The following MACROD2 variants were observed in gnomAD, a reference collection of about 807,000 sequenced individuals.
The protein encoded by MACROD2 is ADP-ribose glycohydrolase MACROD2.
MACROD2 carries 36 observed loss-of-function variants against 70.4 expected under a neutral mutation model. The observed-to-expected ratio is 0.51, with a 90% confidence interval of 0.39 to 0.68. MACROD2 has a LOEUF of 0.68. MACROD2 is among the 30% of genes least tolerant of loss of function. The pLI is 0.00. For missense variants in MACROD2, 496 were observed against 538.4 expected, an observed-to-expected ratio of 0.92 and a Z score of 0.78; for synonymous variants, 172 against 178.8, an observed-to-expected ratio of 0.96 and a Z score of 0.30.
At chr20:14,076,865 G>A (rs1393453076) in intron 2 of MACROD2, among the ~76,000 whole-genome samples, 1 of 152,052 alleles carries the variant, frequency 6.6e-6, no homozygotes, top group Non-Finnish European at 1.5e-5. Flanking sequence ...AGATATTTAA[G>A]ATTATAAAAA....
chr20:14,785,718 A>G (rs574203055), intron 5 of MACROD2, among the ~76,000 whole-genome samples: 21 of 152,092 alleles, frequency 1.4e-4, no homozygotes, highest in African/African-American at 3.6e-4. Context: ...TTTATTTTCA[A>G]TCTCACCTGA....
intron 3 of MACROD2, among the ~76,000 whole-genome samples, chr20:14,278,010 T>C (rs1218993098): frequency 6.6e-6 from 1 of 152,214 alleles, no homozygotes; most frequent in East Asian, 1.9e-4. Context: ...TTAGTTTGCC[T>C]GAGGGAACAA....
chr20:14,414,663 A>C (rs960779222), intron 3 of MACROD2, among the ~76,000 whole-genome samples: 2 of 152,106 alleles, frequency 1.3e-5, no homozygotes, highest in African/African-American at 2.4e-5. Flanking sequence ...AACCCTTACC[A>C]TGTCCGTCAA....
chr20:14,583,962 T>A (rs1469669846), intron 4 of MACROD2, among the ~76,000 whole-genome samples: 2 of 152,130 alleles, frequency 1.3e-5, no homozygotes, highest in Non-Finnish European at 2.9e-5. Flanking sequence ...TGCCCTTGTG[T>A]TACCCGGCAT....
chr20:14,901,587 T>C lies in MACROD2; in HGVS notation c.418+216628T>C, dbSNP rs140790928. Among the ~76,000 whole-genome samples, 350 of 152,322 alleles carry C rather than the reference T, an allele frequency of 2.3e-3. 2 individuals carry two copies. Among genetic ancestry groups the C allele is most frequent in the African/African-American group, 8.1e-3 (336 of 41,580 alleles). On this transcript the variant is annotated intron_variant, in intron 5 of 17. Coordinates refer to ENST00000684519, the MANE Select transcript of MACROD2 (RefSeq NM_001351661.2). ...TTTTTTCCAAGTATTGGAAATGATC[T>C]AAATGGCTGTGTTTGTGTCACAATA...
chr20:14,341,698 T>C (rs2083014751), intron 3 of MACROD2, among the ~76,000 whole-genome samples: 1 of 152,206 alleles, frequency 6.6e-6, no homozygotes, highest in Non-Finnish European at 1.5e-5. Context: ...TCTTGGACTG[T>C]TATTAGTTAA....
intron 6 of MACROD2, among the ~76,000 whole-genome samples, chr20:15,377,575 A>T (rs2045580308): frequency 6.6e-6 from 1 of 152,210 alleles, no homozygotes; most frequent in Non-Finnish European, 1.5e-5. Flanking sequence ...TTCCACTTAA[A>T]AAATTCACAA....
intron 5 of MACROD2, among the ~76,000 whole-genome samples, chr20:14,824,185 T>C (rs1268006135): frequency 6.6e-6 from 1 of 152,134 alleles, no homozygotes; most frequent in African/African-American, 2.4e-5. Context: ...ATTGTTTTTG[T>C]CAATTCAGAG....
intron 8 of MACROD2, among the ~76,000 whole-genome samples, chr20:15,545,146 G>T (rs1181596702): frequency 6.6e-6 from 1 of 152,226 alleles, no homozygotes; most frequent in Non-Finnish European, 1.5e-5. Flanking sequence ...TTTCTCCGTG[G>T]AGGAAATGAA....
At chr20:14,454,233 A>T (rs2084275088) in intron 3 of MACROD2, among the ~76,000 whole-genome samples, 1 of 151,900 alleles carries the variant, frequency 6.6e-6, no homozygotes, top group Admixed American at 6.6e-5. Context: ...TTCTATTTAT[A>T]TTCTCTGTTC....
intron 3 of MACROD2, among the ~76,000 whole-genome samples, chr20:14,165,210 C>T (rs1027022218): frequency 6.6e-6 from 1 of 152,160 alleles, no homozygotes; most frequent in Non-Finnish European, 1.5e-5. Flanking sequence ...TACTATTGCA[C>T]AGTCTCCAGG....
intron 5 of MACROD2, among the ~76,000 whole-genome samples, chr20:15,175,685 A>G (rs1348413712): frequency 6.6e-6 from 1 of 152,238 alleles, no homozygotes; most frequent in East Asian, 1.9e-4. Flanking sequence ...GCAAAGAGAC[A>G]TTACAATAAT....
At chr20:15,190,413 CTGAA>C in intron 5 of MACROD2, among the ~76,000 whole-genome samples, 1 of 152,286 alleles carries the variant, frequency 6.6e-6, no homozygotes, top group South Asian at 2.1e-4. Context: ...GGCCATTCAA[CTGAA>C]TGCTCTTCCT....
chr20:14,055,786 A>G (rs1263016120), intron 2 of MACROD2, among the ~76,000 whole-genome samples: 2 of 150,558 alleles, frequency 1.3e-5, no homozygotes, highest in African/African-American at 4.9e-5. Flanking sequence ...CTTATATAAC[A>G]TCTCAATTTG....
At chr20:15,220,779 G>T (rs1490960512) in intron 5 of MACROD2, among the ~76,000 whole-genome samples, 3 of 151,984 alleles carry the variant, frequency 2.0e-5, no homozygotes, top group Non-Finnish European at 2.9e-5. Context: ...AAATGGGGGG[G>T]GCTCTCCAGA....
intron 8 of MACROD2, among the ~76,000 whole-genome samples, chr20:15,518,113 G>A (rs1171548837): frequency 6.6e-6 from 1 of 152,234 alleles, no homozygotes; most frequent in African/African-American, 2.4e-5. Flanking sequence ...TGCTTTATGA[G>A]GGAGAAAAAA....
intron 8 of MACROD2, among the ~76,000 whole-genome samples, chr20:15,508,474 A>ATG (rs1373151157): frequency 1.3e-5 from 2 of 152,142 alleles, no homozygotes; most frequent in East Asian, 3.9e-4. Flanking sequence ...CTGACTCCTG[A>ATG]TGTGTCCCAT....
intron 6 of MACROD2, among the ~76,000 whole-genome samples, chr20:15,358,301 G>A (rs908201207): frequency 6.6e-6 from 1 of 152,152 alleles, no homozygotes; most frequent in African/African-American, 2.4e-5. Context: ...TAAGTACAAA[G>A]TGTTGTAGGA....
intron 15 of MACROD2, among the ~76,000 whole-genome samples, chr20:16,024,688 C>T (rs963124544): frequency 2.6e-5 from 4 of 152,142 alleles, no homozygotes; most frequent in Non-Finnish European, 4.4e-5. Context: ...AGATTAAATA[C>T]GACAGAACCA....
Sources: gnomAD v4.1 joint callset for allele counts (sites outside exome capture counted in the v4.1 genomes callset) on GRCh38, gnomAD v4.1.1 for gene constraint, MANE v1.5 for transcripts, NCBI Gene and HGNC (gene_info 2026-07-23, HGNC 2026-07-21) for gene names.